SLC3A1: variants seen among roughly 807,000 people sequenced by gnomAD.
SLC3A1 encodes the protein amino acid transporter heavy chain SLC3A1.
Under a neutral mutation model 60.3 loss-of-function variants are expected in SLC3A1, and 78 were observed. The ratio of observed to expected loss-of-function variants is 1.29; its 90% CI spans 1.08 to 1.56. The LOEUF (loss-of-function observed/expected upper bound fraction) is 1.56. SLC3A1 is among the 40% of genes most tolerant of loss of function. The pLI, the probability that SLC3A1 is intolerant of heterozygous loss-of-function variation, is 0.00. For synonymous variants in SLC3A1, 392 were observed against 307.9 expected (o/e 1.27, Z -2.86); for missense variants, 1,172 against 858.9 (o/e 1.36, Z -4.56).
intron 7 of SLC3A1, among the ~76,000 whole-genome samples, chr2:44,306,062 C>G (rs1396433966): frequency 6.6e-6 from 1 of 152,168 alleles, no homozygotes; most frequent in African/African-American, 2.4e-5. Flanking sequence ...GGTGCTCAGG[C>G]TCAGGGTTTG....
intron 4 of SLC3A1, among the ~76,000 whole-genome samples, chr2:44,299,649 ATCTTT>A (rs769288776): frequency 6.6e-6 from 1 of 152,180 alleles, no homozygotes; most frequent in Non-Finnish European, 1.5e-5. Flanking sequence ...TCTGAGTCCT[ATCTTT>A]TCTTATGGTT....
rs1461087269 is a variant in SLC3A1 at position 44,320,479 on chromosome 2, T to C, written c.1898T>C (p.Val633Ala). 2 of 1,614,178 alleles carry C rather than the reference T, an allele frequency of 1.2e-6. No homozygotes were observed. Among genetic ancestry groups the C allele is most frequent in the Non-Finnish European group, 8.5e-7 (1 of 1,180,008 alleles). The change falls in exon 10 of 10, where the codon GTT becomes GCT. Residue 633 changes from valine to alanine, a missense_variant. Coordinates refer to ENST00000260649, the MANE Select transcript of SLC3A1 (RefSeq NM_000341.4). ...AATTCTGCCGACAAAGGCAGTAAAG[T>C]TGATACAAGTGGCATTTTTCTGGAC... ...STNSADKGSKVDTSGIFLDKG... is the reference protein window; with the variant it reads ...STNSADKGSKADTSGIFLDKG...
rs956470070 is a variant in SLC3A1, at chr2:44,285,753, T to C, written c.766-279T>C. The C allele has an allele frequency of 6.6e-6, 4 of 603,304 alleles. No individual in the cohort carries two copies. In the African/African-American group the frequency reaches 7.3e-5, roughly 11 times the overall value. The allele number at this position is 603,304 out of a possible 1,614,324, so 37.4% of individuals were successfully genotyped here. Reference sequence around the variant, plus strand: ...AAAATACATTAGTAATGTCAGTTCCTTAAGTTGACCTTGTCTTGGGTTTGA... The same window carrying C: ...AAAATACATTAGTAATGTCAGTTCCCTAAGTTGACCTTGTCTTGGGTTTGA... On this transcript the variant is annotated intron_variant, in intron 3 of 9. Transcript: ENST00000260649.
intron 4 of SLC3A1, among the ~76,000 whole-genome samples, chr2:44,294,750 T>G (rs1671813256): frequency 6.6e-6 from 1 of 152,138 alleles, no homozygotes; most frequent in Non-Finnish European, 1.5e-5. Context: ...TTTTCCAAGA[T>G]TTCTGAACAT....
At position 44,275,784 on chromosome 2, in the gene SLC3A1, C is replaced by T. The variant is rs1476073068; in HGVS notation, c.249C>T (p.Arg83=). The T allele has an allele frequency of 6.2e-7, 1 of 1,614,266 alleles. No individual in the cohort carries two copies. ...LFQFSGQARY[R]IPREILFWLT... ...AGTTCTCTGGCCAGGCCCGCTACCG[C>T]ATACCTCGGGAGATCCTCTTCTGGC... The change falls in exon 1 of 10, where the codon CGC becomes CGT. Residue 83 remains arginine (R), a synonymous_variant. Transcript: ENST00000260649.
rs2340810 is a variant in SLC3A1, at chr2:44,309,407, T to A, written c.1333-3179T>A. On this transcript the variant is annotated intron_variant, in intron 7 of 9. Transcript: ENST00000260649. ...ATGTATGAGATCTTACTCCTTCTTA[T>A]GACTGAATAACATTCCATGGTACCT... Among the ~76,000 whole-genome samples the A allele has an allele frequency of 5.3e-5, 8 of 152,028 alleles. No individual in the cohort carries two copies. In the East Asian group the frequency reaches 1.3e-3, roughly 26 times the overall value.
chr2:44,280,131 A>T (rs1671459055), intron 1 of SLC3A1, among the ~76,000 whole-genome samples: 1 of 152,208 alleles, frequency 6.6e-6, no homozygotes, highest in East Asian at 1.9e-4. Context: ...GAATAAATGA[A>T]CAATACCACA....
At chr2:44,283,467 C>T (rs1055816822) in intron 3 of SLC3A1, among the ~76,000 whole-genome samples, 1 of 152,218 alleles carries the variant, frequency 6.6e-6, no homozygotes, top group Non-Finnish European at 1.5e-5. Flanking sequence ...ACTCTATAAT[C>T]CTATGAGTCT....
At chr2:44,300,211 C>A (rs768079618) in intron 5 of SLC3A1, 121 bp downstream of exon 5, 1 of 984,498 alleles carries the variant, frequency 1.0e-6, no homozygotes, top group Non-Finnish European at 1.6e-6. Context: ...TAGCAAGTAC[C>A]CTGATTTATT....
chr2:44,300,171 C>A, intron 5 of SLC3A1, 81 bp downstream of exon 5: 1 of 1,402,664 alleles, frequency 7.1e-7, no homozygotes, highest in Non-Finnish European at 1.0e-6. Context: ...CCTGAGATAC[C>A]AGTTACAAAG....
intron 9 of SLC3A1, chr2:44,319,493 CATTT>C (rs149755863): frequency 0.043 from 6,553 of 152,220 alleles, 165 homozygotes; most frequent in East Asian, 0.098. Flanking sequence ...TCATTAAAAA[CATTT>C]ATGGAGGCTA....
chr2:44,300,308 G>A (rs754668801), intron 5 of SLC3A1, among the ~76,000 whole-genome samples: 3 of 152,150 alleles, frequency 2.0e-5, no homozygotes, highest in Non-Finnish European at 4.4e-5. Context: ...GATCCCTTGA[G>A]GAGTCCTTCA....
intron 9 of SLC3A1, chr2:44,314,323 C>T: frequency 2.1e-6 from 1 of 483,670 alleles, no homozygotes; most frequent in Non-Finnish European, 3.7e-6. Context: ...GCCATGCAGG[C>T]AGTAAGGAGA....
rs199685360 is a variant in SLC3A1, at chr2:44,320,421, C to A, written c.1840C>A (p.Leu614Ile). ...AAATCTACATAATATGATTTCGGGC[C>A]TTCCCGCTAAAATGAGAATAAGGTT... is the stretch of plus-strand genomic sequence containing the variant. ...LLNLHNMISG[L>I]PAKMRIRLST... Residue 614 changes from leucine to isoleucine, a missense_variant, in exon 10 of 10, where the codon CTT (leucine) becomes ATT (isoleucine). Transcript: ENST00000260649. The A allele has an allele frequency of 3.1e-6, 5 of 1,614,008 alleles. No homozygotes were observed. The East Asian group carries it at 8.9e-5, about 29-fold the overall frequency.
intron 4 of SLC3A1, among the ~76,000 whole-genome samples, chr2:44,297,094 T>G (rs1355362606): frequency 6.6e-6 from 1 of 152,182 alleles, no homozygotes; most frequent in Non-Finnish European, 1.5e-5. Context: ...GTGGGATAGT[T>G]GTCATTTGGG....
intron 4 of SLC3A1, among the ~76,000 whole-genome samples, chr2:44,295,412 G>A (rs1407849044): frequency 6.6e-6 from 1 of 152,108 alleles, no homozygotes; most frequent in Non-Finnish European, 1.5e-5. Flanking sequence ...TTTGCATCTG[G>A]AACCCTGAGA....
chr2:44,291,758 T>C (rs1280780477), intron 4 of SLC3A1, among the ~76,000 whole-genome samples: 1 of 152,154 alleles, frequency 6.6e-6, no homozygotes, highest in African/African-American at 2.4e-5. Context: ...GCATACCAAC[T>C]TGTACTCCTG....
chr2:44,284,722 T>A (rs2340808), intron 3 of SLC3A1, among the ~76,000 whole-genome samples: 2 of 151,806 alleles, frequency 1.3e-5, no homozygotes, highest in African/African-American at 4.8e-5. Flanking sequence ...CACCATCATG[T>A]GTGGCTGAGT....
intron 4 of SLC3A1, among the ~76,000 whole-genome samples, chr2:44,286,899 T>C (rs1188840602): frequency 6.6e-6 from 1 of 152,186 alleles, no homozygotes; most frequent in Admixed American, 6.5e-5. Flanking sequence ...ATTTGGGGTC[T>C]GGCTCCTGCA....
Sources: allele counts gnomAD v4.1 joint callset (sites outside exome capture counted in the v4.1 genomes callset), GRCh38; gene constraint gnomAD v4.1.1; transcripts MANE v1.5; gene names NCBI Gene and HGNC (gene_info 2026-07-23, HGNC 2026-07-21).